The following RORA variants were observed in gnomAD, a reference collection of about 807,000 sequenced individuals.
RORA encodes RAR related orphan receptor A, also known as nuclear receptor ROR-alpha.
RORA carries 7 observed loss-of-function variants against 69.5 expected under a neutral mutation model. The ratio of observed to expected loss-of-function variants is 0.10; its 90% CI spans 0.06 to 0.19. The LOEUF (loss-of-function observed/expected upper bound fraction) is 0.19. RORA is among the 10% of genes least tolerant of loss of function. The pLI is 1.00. For missense variants in RORA, 457 were observed against 663.0 expected (o/e 0.69, Z 3.41); for synonymous variants, 261 against 240.8 (o/e 1.08, Z -0.78).
chr15:60,522,901 C>A (rs2066219510), intron 3 of RORA, among the ~76,000 whole-genome samples: 1 of 151,738 alleles, frequency 6.6e-6, no homozygotes, highest in South Asian at 2.1e-4. Context: ...GAAACCCTGT[C>A]TCTACTAAAA....
intron 1 of RORA, among the ~76,000 whole-genome samples, chr15:61,183,844 C>A (rs897737958): frequency 2.0e-5 from 3 of 152,116 alleles, no homozygotes; most frequent in Non-Finnish European, 4.4e-5. Context: ...GGGTTACAAT[C>A]AATAGTCTCA....
chr15:60,866,649 G>A (rs188647922), intron 1 of RORA, among the ~76,000 whole-genome samples: 116 of 152,240 alleles, frequency 7.6e-4, no homozygotes, highest in African/African-American at 2.6e-3. Context: ...TTAGTCACCA[G>A]TGGCCAATCA....
At chr15:61,156,522 A>T (rs953008968) in intron 1 of RORA, among the ~76,000 whole-genome samples, 2 of 152,210 alleles carry the variant, frequency 1.3e-5, no homozygotes, top group African/African-American at 4.8e-5. Context: ...AGACCTGGAG[A>T]GATGGCGCCA....
intron 1 of RORA, among the ~76,000 whole-genome samples, chr15:61,168,667 A>G (rs999908677): frequency 2.0e-5 from 3 of 152,070 alleles, no homozygotes; most frequent in Non-Finnish European, 4.4e-5. Context: ...TCTCTTGAAC[A>G]TCTTTCCTTG....
chr15:60,933,285 T>C (rs916320114), intron 1 of RORA, among the ~76,000 whole-genome samples: 4 of 152,172 alleles, frequency 2.6e-5, no homozygotes, highest in African/African-American at 9.7e-5. Flanking sequence ...AGCCTCAGCT[T>C]CCTCTATTAT....
intron 1 of RORA, among the ~76,000 whole-genome samples, chr15:60,996,071 GTTT>G (rs35698487): frequency 7.4e-6 from 1 of 135,226 alleles, no homozygotes; most frequent in Non-Finnish European, 1.7e-5. Flanking sequence ...CTTGTTTTTT[GTTT>G]TTTTTTTTTT....
intron 2 of RORA, among the ~76,000 whole-genome samples, chr15:60,572,576 A>G (rs2067914276): frequency 6.6e-6 from 1 of 152,208 alleles, no homozygotes; most frequent in Non-Finnish European, 1.5e-5. Flanking sequence ...TACATAATAT[A>G]GATAACAAAA....
intron 1 of RORA, among the ~76,000 whole-genome samples, chr15:60,742,281 C>T (rs113823347): frequency 6.4e-4 from 97 of 152,232 alleles, no homozygotes; most frequent in African/African-American, 2.2e-3. Context: ...CTCACTTAAA[C>T]AGGTAGATAT....
chr15:60,591,531 C>G (rs1169865557), intron 2 of RORA, among the ~76,000 whole-genome samples: 1 of 152,122 alleles, frequency 6.6e-6, no homozygotes, highest in East Asian at 1.9e-4. Flanking sequence ...GCCCCCGGCC[C>G]GGCTACGGAG....
intron 1 of RORA, among the ~76,000 whole-genome samples, chr15:61,111,597 A>C (rs1005704276): frequency 2.0e-5 from 3 of 152,182 alleles, no homozygotes; most frequent in Non-Finnish European, 2.9e-5. Flanking sequence ...ACTAAAGCAT[A>C]AGGTATGGGT....
At chr15:60,689,569 G>A (rs979829562) in intron 1 of RORA, among the ~76,000 whole-genome samples, 5 of 152,070 alleles carry the variant, frequency 3.3e-5, no homozygotes, top group Admixed American at 2.0e-4. Flanking sequence ...TGATACCTGC[G>A]AATGTGACCT....
intron 1 of RORA, among the ~76,000 whole-genome samples, chr15:60,881,628 G>C (rs1327844670): frequency 6.6e-6 from 1 of 152,194 alleles, no homozygotes; most frequent in Admixed American, 6.5e-5. Context: ...GAGAGAGAGA[G>C]AGAGACAGAG....
chr15:60,917,972 G>C (rs958609999), intron 1 of RORA, among the ~76,000 whole-genome samples: 5 of 152,212 alleles, frequency 3.3e-5, no homozygotes, highest in Admixed American at 6.5e-5. Flanking sequence ...GTGAAGCTGG[G>C]CTTTCTTCCC....
At chr15:61,094,119 C>T (rs1231362483) in intron 1 of RORA, among the ~76,000 whole-genome samples, 2 of 152,178 alleles carry the variant, frequency 1.3e-5, no homozygotes, top group South Asian at 2.1e-4. Flanking sequence ...ATTAGAAAGA[C>T]TTAGCCTTTT....
chr15:60,511,289 A>G lies in RORA; in HGVS notation c.757T>C (p.Phe253Leu). ...PICDYTPASGFFPYCSFTNGE... is the reference protein window; with the variant it reads ...PICDYTPASGLFPYCSFTNGE... ...TTGGTGAACGAACAGTAGGGAAAGA[A>G]GCCTGATGCTGGTGTGTAGTCACAT... Residue 253 changes from phenylalanine (F) to leucine (L), a missense_variant, in exon 5 of 11, where the codon TTC (phenylalanine) becomes CTC (leucine). By Grantham distance (22) the Phe-to-Leu change is conservative (BLOSUM62 0). Coordinates refer to ENST00000335670, the MANE Select transcript of RORA (RefSeq NM_134261.3). The surrounding 1 kb of genome is among the most constrained non-coding windows in gnomAD (Gnocchi z 6.4). 6.2e-7 allele frequency: 1 copy of G among 1,614,130 alleles called. No homozygotes were observed. Among genetic ancestry groups the G allele is most frequent in the Non-Finnish European group, 8.5e-7 (1 of 1,180,010 alleles).
At chr15:61,160,916 T>G (rs974816587) in intron 1 of RORA, among the ~76,000 whole-genome samples, 2 of 152,140 alleles carry the variant, frequency 1.3e-5, no homozygotes, top group African/African-American at 4.8e-5. Flanking sequence ...GGGAAGAATG[T>G]TTCTGGGGCA....
chr15:60,624,453 G>T (rs2069508137), intron 2 of RORA, among the ~76,000 whole-genome samples: 1 of 83,618 alleles, frequency 1.2e-5, no homozygotes, highest in South Asian at 3.8e-4. Flanking sequence ...TATGGAAGAG[G>T]TCCTCTTCCA....
intron 2 of RORA, among the ~76,000 whole-genome samples, chr15:60,542,933 C>T (rs1218294786): frequency 2.0e-5 from 3 of 151,522 alleles, no homozygotes; most frequent in Non-Finnish European, 4.4e-5. Flanking sequence ...GCCACACACA[C>T]ATACACTGCA....
chr15:60,794,239 C>T (rs114460640), intron 1 of RORA, among the ~76,000 whole-genome samples: 3,089 of 152,282 alleles, frequency 0.02, 109 homozygotes, highest in African/African-American at 0.071. Flanking sequence ...CAAAGCCCAA[C>T]ACTATTGCTT....
Sources: allele counts gnomAD v4.1 joint callset (sites outside exome capture counted in the v4.1 genomes callset), GRCh38; gene constraint gnomAD v4.1.1; non-coding constraint Gnocchi (gnomAD v3.1); transcripts MANE v1.5; gene names NCBI Gene and HGNC (gene_info 2026-07-23, HGNC 2026-07-21).